Variants in BRPF3 observed in about 807,000 individuals in gnomAD.
BRPF3 encodes the protein bromodomain and PHD finger containing 3, also known as bromodomain and PHD finger-containing protein 3.
In BRPF3, 18 loss-of-function variants were observed where a neutral mutation model predicts 102.0. The observed-to-expected ratio is 0.18, with a 90% confidence interval of 0.12 to 0.26. BRPF3 has a LOEUF of 0.26. Ranked by LOEUF, BRPF3 falls within the 10% of genes least tolerant of loss-of-function variation. The pLI is 1.00. For missense variants in BRPF3, 1,147 were observed against 1,567.8 expected, an observed-to-expected ratio of 0.73 and a Z score of 4.53; for synonymous variants, 570 against 614.2, an observed-to-expected ratio of 0.93 and a Z score of 1.06.
chr6:36,220,699 A>G (rs1453757683), intron 9 of BRPF3, among the ~76,000 whole-genome samples: 2 of 152,180 alleles, frequency 1.3e-5, no homozygotes, highest in African/African-American at 4.8e-5. Context: ...GCAGATTTTT[A>G]TAGGGTAAAT....
At chr6:36,214,613 T>C (rs1026493599) in intron 8 of BRPF3, among the ~76,000 whole-genome samples, 1 of 152,226 alleles carries the variant, frequency 6.6e-6, no homozygotes, top group Non-Finnish European at 1.5e-5. Context: ...CTGGGATTCA[T>C]TGGCCCTGAG....
intron 7 of BRPF3, among the ~76,000 whole-genome samples, chr6:36,212,681 C>T (rs1019318661): frequency 1.3e-5 from 2 of 151,934 alleles, no homozygotes; most frequent in East Asian, 1.9e-4. Flanking sequence ...CGGCCGGGCG[C>T]GGTGGCTCAC....
At chr6:36,213,010 A>G (rs1166347721) in intron 7 of BRPF3, among the ~76,000 whole-genome samples, 1 of 152,030 alleles carries the variant, frequency 6.6e-6, no homozygotes, top group Non-Finnish European at 1.5e-5. Context: ...ATGTTTGGCA[A>G]CCACTGATTT....
intron 7 of BRPF3, among the ~76,000 whole-genome samples, chr6:36,211,965 G>A (rs377342476): frequency 1.3e-5 from 2 of 152,162 alleles, no homozygotes; most frequent in South Asian, 2.1e-4. Flanking sequence ...GTAACATCAC[G>A]TGGAGAGACT....
chr6:36,201,337 T>G lies in BRPF3; in HGVS notation c.1015T>G (p.Cys339Gly). ...KQKGLGAAIQCHKVNCYTAFH... is the reference protein window; with the variant it reads ...KQKGLGAAIQGHKVNCYTAFH... ...GAAAGGGCTAGGTGCAGCCATCCAG[T>G]GCCATAAGGTGAACTGCTACACAGC... Residue 339 changes from cysteine (C) to glycine (G), a missense_variant, in exon 2 of 13, where the codon TGC becomes GGC. Cys to Gly is a radical substitution (Grantham distance 159, BLOSUM62 -3). This residue lies in a region of BRPF3 where 44 missense variants were observed against 101.4 expected (regional missense o/e 0.43). Transcript: ENST00000357641. The surrounding 1 kb of genome is among the most constrained non-coding windows in gnomAD (Gnocchi z 5.1). The G allele has an allele frequency of 6.2e-7, 1 of 1,614,118 alleles. No homozygotes were observed. The highest frequency in any genetic ancestry group is 8.5e-7 in the Non-Finnish European group (1 of 1,179,988).
chr6:36,205,864 G>C (rs531837023), intron 3 of BRPF3, among the ~76,000 whole-genome samples: 48 of 152,076 alleles, frequency 3.2e-4, no homozygotes, highest in Non-Finnish European at 5.6e-4. Flanking sequence ...AGTCCCTCAG[G>C]GATGTTTCCA....
rs760049780 is a variant in BRPF3, at chr6:36,214,199, C to T, written c.2802C>T (p.Ala934=). ...GRRTSVLFKK[A]KNGVKLQRSP... ...GCACATCAGTCCTCTTCAAGAAGGC[C>T]AAGAATGGGGTTAAGCTACAGAGAA... The change falls in exon 8 of 13, where the codon GCC becomes GCT. Residue 934 remains alanine, a synonymous_variant. Coordinates refer to ENST00000357641, the MANE Select transcript of BRPF3 (RefSeq NM_015695.3). 6.2e-7 allele frequency: 1 copy of T among 1,614,124 alleles called. No homozygotes were observed. Among genetic ancestry groups the T allele is most frequent in the Non-Finnish European group, 8.5e-7 (1 of 1,179,998 alleles).
intron 3 of BRPF3, among the ~76,000 whole-genome samples, chr6:36,205,409 G>A (rs1442996589): frequency 6.6e-6 from 1 of 152,190 alleles, no homozygotes; most frequent in East Asian, 1.9e-4. Flanking sequence ...CAGAGATGAA[G>A]CAAAGCTTTA....
rs1247716674 is a variant in BRPF3 at position 36,201,256 on chromosome 6, G to C, written c.934G>C (p.Gly312Arg). The change falls in exon 2 of 13, where the codon GGC (glycine) becomes CGC (arginine). Residue 312 changes from glycine to arginine, a missense_variant. Gly to Arg is a moderately radical substitution (Grantham distance 125). This residue lies in a region of BRPF3 where 44 missense variants were observed against 101.4 expected (regional missense o/e 0.43). Transcript: ENST00000357641. This position sits in a 1 kb window ranked among gnomAD's most constrained non-coding sequence, Gnocchi z 5.1. ...ANTVFLEPIE[G>R]IDNIPPARWK... is the part of the protein sequence containing the mutation. ...CACCGTGTTCTTGGAACCTATTGAG[G>C]GCATTGACAATATCCCGCCTGCCCG... The C allele has an allele frequency of 6.2e-7, 1 of 1,613,994 alleles. No individual in the cohort carries two copies. The highest frequency in any genetic ancestry group is 8.5e-7 in the Non-Finnish European group (1 of 1,180,042).
rs1768891964 is a variant in BRPF3, at chr6:36,230,228, C to G, written c.3435-198C>G. On this transcript the variant is annotated intron_variant, in intron 12 of 12. Coordinates refer to ENST00000357641, the MANE Select transcript of BRPF3 (RefSeq NM_015695.3). This position sits in a 1 kb window ranked among gnomAD's most constrained non-coding sequence, Gnocchi z 5.4. ...AAATTGATTCCATGCCATTCCCCCA[C>G]CCGACTCCTGCATATCCTGCTTGCT... Among the ~76,000 whole-genome samples the G allele has an allele frequency of 1.3e-5, 2 of 152,072 alleles. No individual in the cohort carries two copies. The highest frequency in any genetic ancestry group is 1.3e-4 in the Admixed American group (2 of 15,274).
At chr6:36,212,442 A>C (rs987288976) in intron 7 of BRPF3, among the ~76,000 whole-genome samples, 1 of 152,132 alleles carries the variant, frequency 6.6e-6, no homozygotes, top group Non-Finnish European at 1.5e-5. Context: ...CACATTTGAC[A>C]TCAGAGGGCT....
Position 36,210,632 on chromosome 6 carries a change from TC to T in BRPF3, c.2179+106del. ...GTGGTCCTTGGGGCTATAGGTAGACTCCAGGAGCAAAGCTGAGGGTGAGCAC... is the reference window on the plus strand; with the variant it reads ...GTGGTCCTTGGGGCTATAGGTAGACTCAGGAGCAAAGCTGAGGGTGAGCAC... On this transcript the variant is annotated intron_variant, in intron 6 of 12. Transcript: ENST00000357641. The surrounding 1 kb of genome is among the most constrained non-coding windows in gnomAD (Gnocchi z 4.7). 9.3e-7 allele frequency: 1 copy of T among 1,074,232 alleles called. No homozygotes were observed. Among genetic ancestry groups the T allele is most frequent in the Non-Finnish European group, 1.3e-6 (1 of 757,644 alleles). The allele number at this position is 1,074,232 out of a possible 1,614,324, so 66.5% of individuals were successfully genotyped here.
intron 9 of BRPF3, 146 bp from the exon 10 acceptor site, chr6:36,222,022 G>A (rs548174270): frequency 8.1e-6 from 6 of 742,672 alleles, no homozygotes; most frequent in Non-Finnish European, 1.3e-5. Context: ...GTTAGTGTGA[G>A]TTTTTAGGGG....
At chr6:36,216,128 G>A (rs1669393683) in intron 8 of BRPF3, among the ~76,000 whole-genome samples, 1 of 152,138 alleles carries the variant, frequency 6.6e-6, no homozygotes, top group South Asian at 2.1e-4. Flanking sequence ...TGTAACGACA[G>A]GAAAATTAAT....
At chr6:36,228,341 C>A (rs907598389) in intron 11 of BRPF3, among the ~76,000 whole-genome samples, 1 of 152,154 alleles carries the variant, frequency 6.6e-6, no homozygotes, top group African/African-American at 2.4e-5. Context: ...ATGCCAGAAG[C>A]AAACCTGAAG....
intron 1 of BRPF3, 193 bp downstream of exon 1, chr6:36,197,163 A>G (rs1767522237): frequency 1.3e-5 from 2 of 152,414 alleles, no homozygotes; most frequent in Non-Finnish European, 2.9e-5. Flanking sequence ...GGAGCTGAGA[A>G]GCGAGGACCC....
intron 10 of BRPF3, among the ~76,000 whole-genome samples, chr6:36,224,554 G>A (rs1044072396): frequency 6.6e-6 from 1 of 152,190 alleles, no homozygotes; most frequent in East Asian, 1.9e-4. Flanking sequence ...AGATGGCTAG[G>A]TGTGACCCTG....
Position 36,224,041 on chromosome 6 carries a change from A to G in BRPF3, c.3182-1226A>G, listed in dbSNP as rs138143067. Among the ~76,000 whole-genome samples the G allele has an allele frequency of 3.2e-3, 483 of 152,316 alleles. 2 individuals are homozygous for G. The highest frequency in any genetic ancestry group is 0.011 in the African/African-American group (457 of 41,574). On this transcript the variant is annotated intron_variant, in intron 10 of 12. Coordinates refer to ENST00000357641, the MANE Select transcript of BRPF3 (RefSeq NM_015695.3). ...ATTGATTCAATAGGTGCAAAATAGT[A>G]TCTTATAATTTTAATACATTTTTAA...
chr6:36,212,201 T>C (rs1768145429), intron 7 of BRPF3, among the ~76,000 whole-genome samples: 1 of 152,122 alleles, frequency 6.6e-6, no homozygotes, highest in African/African-American at 2.4e-5. Flanking sequence ...GAAGTGACTC[T>C]CAGAAACCCA....
Sources: allele counts gnomAD v4.1 joint callset (sites outside exome capture counted in the v4.1 genomes callset), GRCh38; gene constraint gnomAD v4.1.1; regional missense constraint gnomAD v4.1.1; non-coding constraint Gnocchi (gnomAD v3.1); transcripts MANE v1.5; gene names NCBI Gene and HGNC (gene_info 2026-07-23, HGNC 2026-07-21).